The following ERBIN variants were observed in gnomAD, a reference collection of about 807,000 sequenced individuals.
ERBIN encodes the protein densin-180-like protein.
ERBIN carries 60 observed loss-of-function variants against 158.4 expected under a neutral mutation model. The observed-to-expected ratio is 0.38, with a 90% CI of 0.31 to 0.47. ERBIN has a LOEUF of 0.47. Among genes scored for constraint, ERBIN ranks in the 20% least tolerant of loss-of-function variants. The pLI is 0.99. For synonymous variants in ERBIN, 594 were observed against 557.2 expected (o/e 1.07, Z -0.93); for missense variants, 1,610 against 1,648.0 (o/e 0.98, Z 0.40).
At chr5:65,993,263 T>C (rs1752072581) in intron 3 of ERBIN, among the ~76,000 whole-genome samples, 1 of 152,248 alleles carries the variant, frequency 6.6e-6, no homozygotes, top group Admixed American at 6.5e-5. Context: ...CATAAGACAT[T>C]AATGTGTATT....
intron 4 of ERBIN, among the ~76,000 whole-genome samples, chr5:65,998,676 C>T (rs1693924781): frequency 6.6e-6 from 1 of 151,350 alleles, no homozygotes; most frequent in African/African-American, 2.4e-5. Context: ...GTGGAAGGAT[C>T]CCTTGAGCTC....
chr5:65,996,251 T>C (rs1303834008), intron 4 of ERBIN, among the ~76,000 whole-genome samples: 1 of 148,362 alleles, frequency 6.7e-6, no homozygotes, highest in Non-Finnish European at 1.5e-5. Flanking sequence ...GTAGTTTTTT[T>C]TTTTTTTTTT....
intron 1 of ERBIN, among the ~76,000 whole-genome samples, chr5:65,931,798 A>G (rs1743421158): frequency 6.6e-6 from 1 of 151,114 alleles, no homozygotes; most frequent in African/African-American, 2.4e-5. Flanking sequence ...AAAAGGGAGG[A>G]AGATTTTCTT....
intron 4 of ERBIN, among the ~76,000 whole-genome samples, chr5:66,006,183 AC>A (rs1297711239): frequency 5.9e-5 from 9 of 152,348 alleles, no homozygotes; most frequent in Admixed American, 1.3e-4. Flanking sequence ...TAGTACTGAT[AC>A]CAAAACAGAG....
chr5:65,940,551 C>T (rs1430110745), intron 1 of ERBIN, among the ~76,000 whole-genome samples: 2 of 137,764 alleles, frequency 1.5e-5, no homozygotes, highest in African/African-American at 5.7e-5. Context: ...CCAGCCGCCC[C>T]GTCCGGGAGG....
chr5:65,932,295 C>T (rs530759113), intron 1 of ERBIN, among the ~76,000 whole-genome samples: 10 of 148,592 alleles, frequency 6.7e-5, no homozygotes, highest in African/African-American at 2.5e-4. Context: ...GCCGAGATCG[C>T]GCCACTGCAT....
chr5:66,015,026 A>G (rs549231798), intron 7 of ERBIN, among the ~76,000 whole-genome samples: 1 of 152,306 alleles, frequency 6.6e-6, no homozygotes, highest in East Asian at 1.9e-4. Context: ...GAAATCAGAA[A>G]TCCCAGGTTC....
At chr5:66,057,933 A>G (rs994033029) in intron 21 of ERBIN, among the ~76,000 whole-genome samples, 1 of 149,562 alleles carries the variant, frequency 6.7e-6, no homozygotes, top group African/African-American at 2.6e-5. Context: ...CCAGTCTATC[A>G]TTGTTGGACA....
At chr5:66,011,286 T>G (rs931044197) in intron 4 of ERBIN, among the ~76,000 whole-genome samples, 2 of 152,212 alleles carry the variant, frequency 1.3e-5, no homozygotes, top group Non-Finnish European at 2.9e-5. Flanking sequence ...TTCAGGCATA[T>G]CCACTGGCAT....
intron 14 of ERBIN, among the ~76,000 whole-genome samples, chr5:66,038,144 G>A (rs10070506): frequency 0.058 from 8,766 of 152,140 alleles, 883 homozygotes; most frequent in African/African-American, 0.2. Flanking sequence ...TATTTCAGTA[G>A]CTTGATTTAC....
intron 20 of ERBIN, among the ~76,000 whole-genome samples, chr5:66,052,190 C>G (rs1407367831): frequency 1.4e-5 from 2 of 147,910 alleles, no homozygotes; most frequent in African/African-American, 2.5e-5. Flanking sequence ...GAATTGAGAC[C>G]CGGTCTCAAA....
chr5:65,928,447 T>C (rs1174029871), intron 1 of ERBIN, among the ~76,000 whole-genome samples: 1 of 152,232 alleles, frequency 6.6e-6, no homozygotes, highest in African/African-American at 2.4e-5. Flanking sequence ...AGTTTCCTTA[T>C]ATGGCTTATA....
At chr5:65,938,800 C>T (rs1744407252) in intron 1 of ERBIN, among the ~76,000 whole-genome samples, 2 of 152,062 alleles carry the variant, frequency 1.3e-5, no homozygotes, top group Admixed American at 6.6e-5. Flanking sequence ...ATCTGCCTGC[C>T]TCAGCCTCCC....
intron 1 of ERBIN, chr5:65,961,368 G>A (rs1036366878): frequency 6.6e-6 from 1 of 152,016 alleles, no homozygotes; most frequent in African/African-American, 2.4e-5. Context: ...TATTTATATC[G>A]TTTTCCCATC....
intron 1 of ERBIN, among the ~76,000 whole-genome samples, chr5:65,953,578 G>A (rs1413421354): frequency 6.6e-6 from 1 of 152,104 alleles, no homozygotes; most frequent in Non-Finnish European, 1.5e-5. Context: ...TCTACCTTGG[G>A]AAAATTCAAC....
At chr5:66,017,882 T>C (rs563008942) in intron 7 of ERBIN, among the ~76,000 whole-genome samples, 1 of 152,284 alleles carries the variant, frequency 6.6e-6, no homozygotes, top group South Asian at 2.1e-4. Flanking sequence ...GATAGAGGTC[T>C]AGTTTTATTT....
Position 66,031,343 on chromosome 5 carries a change from A to G in ERBIN, c.1206+3000A>G, listed in dbSNP as rs1311375608. On this transcript the variant is annotated intron_variant, in intron 14 of 25. Transcript: ENST00000284037. Reference sequence around the variant, plus strand: ...CCTCATCCATTTTGTGATTCTCAGGAACCATTTATTGAACAACTGCTTTGT... The same window carrying G: ...CCTCATCCATTTTGTGATTCTCAGGGACCATTTATTGAACAACTGCTTTGT... Among the ~76,000 whole-genome samples the G allele has an allele frequency of 2.0e-5, 3 of 152,222 alleles. No individual in the cohort carries two copies. In the East Asian group the frequency reaches 5.8e-4, roughly 29 times the overall value.
At chr5:66,044,363 A>G in intron 17 of ERBIN, 53 bp downstream of exon 17, 1 of 1,509,482 alleles carries the variant, frequency 6.6e-7, no homozygotes, top group Non-Finnish European at 8.9e-7. Context: ...CTTATTTTTA[A>G]ATGACAGTTG....
chr5:66,024,478 T>C, intron 10 of ERBIN, 28 bp downstream of exon 10: 2 of 1,564,162 alleles, frequency 1.3e-6, no homozygotes, highest in Non-Finnish European at 1.7e-6. Flanking sequence ...ATTCATGTAA[T>C]TTTTATTAAA....
Sources: allele counts gnomAD v4.1 joint callset (sites outside exome capture counted in the v4.1 genomes callset), GRCh38; gene constraint gnomAD v4.1.1; transcripts MANE v1.5; gene names NCBI Gene and HGNC (gene_info 2026-07-23, HGNC 2026-07-21).